Variants in ARHGAP24 observed in about 807,000 individuals in gnomAD.
ARHGAP24 encodes Rho GTPase activating protein 24.
ARHGAP24 carries 50 observed loss-of-function variants against 76.4 expected under a neutral mutation model. The observed-to-expected ratio is 0.65, with a 90% CI of 0.52 to 0.83. ARHGAP24 has a LOEUF of 0.83. ARHGAP24 is among the 40% of genes least tolerant of loss of function. ARHGAP24 has a pLI of 0.00. For synonymous variants in ARHGAP24, 345 were observed against 323.3 expected, an observed-to-expected ratio of 1.07 and a Z score of -0.72; for missense variants, 930 against 914.2, an observed-to-expected ratio of 1.02 and a Z score of -0.22.
intron 2 of ARHGAP24, among the ~76,000 whole-genome samples, chr4:85,610,267 C>G (rs748816806): frequency 1.7e-4 from 26 of 151,614 alleles, no homozygotes; most frequent in Non-Finnish European, 2.8e-4. Flanking sequence ...CACGGTGAAA[C>G]CTTGTCTCTA....
intron 5 of ARHGAP24, among the ~76,000 whole-genome samples, chr4:85,970,344 G>A (rs1251334603): frequency 6.6e-6 from 1 of 152,124 alleles, no homozygotes; most frequent in Non-Finnish European, 1.5e-5. Flanking sequence ...ACCCTGTCTT[G>A]TTATTAGATA....
chr4:85,994,654 G>T lies in ARHGAP24; in HGVS notation c.1000G>T (p.Glu334Ter). ...KHDCLFPKDAELQSKPQDGVS... is the reference protein window; with the variant it reads ...KHDCLFPKDA The stretch of plus-strand genomic sequence containing the variant: ...TGATTGCCTCTTTCCCAAAGATGCA[G>T]AACTACAAAGCAAGCCCCAAGATGG... The change falls in exon 9 of 10, where the codon GAA becomes TAA. Residue 334 changes from glutamate (E) to a stop codon, truncating the protein, a stop_gained. Coordinates refer to ENST00000395184, the MANE Select transcript of ARHGAP24 (RefSeq NM_001025616.3). LOFTEE classifies it high-confidence loss of function. The T allele has an allele frequency of 1.2e-6, 2 of 1,614,158 alleles. No homozygotes were observed. The highest frequency in any genetic ancestry group is 1.7e-6 in the Non-Finnish European group (2 of 1,180,032).
intron 8 of ARHGAP24, among the ~76,000 whole-genome samples, chr4:85,982,862 C>T (rs947784456): frequency 6.6e-5 from 10 of 152,046 alleles, no homozygotes; most frequent in Non-Finnish European, 1.5e-4. Context: ...TGCCTGTCAA[C>T]CCATCACCTA....
rs1289942010 is a variant in ARHGAP24, at chr4:85,570,687, A to G, written c.146A>G (p.Tyr49Cys). 2 of 1,614,086 alleles carry G rather than the reference A, an allele frequency of 1.2e-6. No homozygotes were observed. Among genetic ancestry groups the G allele is most frequent in the Non-Finnish European group, 1.7e-6 (2 of 1,179,988 alleles). ...RWFVLKGDQL[Y>C]YFKDEDETKP... ...TTTGTGCTCAAGGGGGATCAGCTCT[A>G]TTATTTCAAAGATGAAGATGAAACC... The change falls in exon 2 of 10, where the codon TAT becomes TGT. Residue 49 changes from tyrosine to cysteine, a missense_variant. Transcript: ENST00000395184.
intron 4 of ARHGAP24, among the ~76,000 whole-genome samples, chr4:85,934,784 G>A (rs1450056039): frequency 6.6e-6 from 1 of 152,140 alleles, no homozygotes; most frequent in African/African-American, 2.4e-5. Flanking sequence ...CAAAGTGCTG[G>A]GATTATAGGC....
intron 1 of ARHGAP24, among the ~76,000 whole-genome samples, chr4:85,544,822 C>A (rs1725850650): frequency 6.6e-6 from 1 of 152,134 alleles, no homozygotes; most frequent in African/African-American, 2.4e-5. Context: ...TCATCTTTCT[C>A]AGATAATTCC....
intron 3 of ARHGAP24, among the ~76,000 whole-genome samples, chr4:85,784,592 A>T (rs1462558882): frequency 2.6e-5 from 4 of 151,948 alleles, no homozygotes; most frequent in Non-Finnish European, 5.9e-5. Flanking sequence ...CAGCCTGCAC[A>T]ACCTCAGACA....
intron 3 of ARHGAP24, among the ~76,000 whole-genome samples, chr4:85,746,330 G>C (rs1211734261): frequency 1.3e-5 from 2 of 152,180 alleles, no homozygotes; most frequent in Non-Finnish European, 2.9e-5. Context: ...TTGAGTATCT[G>C]ACTGATTCTT....
chr4:85,997,381 TA>T (rs879406861), intron 9 of ARHGAP24, among the ~76,000 whole-genome samples: 7,040 of 29,688 alleles, frequency 0.24, 571 homozygotes, highest in African/African-American at 0.39. Context: ...TATAGATAGA[TA>T]GATAGATAGA....
intron 2 of ARHGAP24, among the ~76,000 whole-genome samples, chr4:85,592,681 C>T (rs992234456): frequency 1.3e-5 from 2 of 152,120 alleles, no homozygotes; most frequent in Admixed American, 6.6e-5. Flanking sequence ...TGTCTTATCT[C>T]CATGAGTTCA....
chr4:85,493,551 C>A (rs1263596005), intron 1 of ARHGAP24, among the ~76,000 whole-genome samples: 1 of 152,114 alleles, frequency 6.6e-6, no homozygotes, highest in Non-Finnish European at 1.5e-5. Flanking sequence ...CTCAAATTGT[C>A]CACATTTGAC....
At chr4:85,653,043 T>C (rs2109983022) in intron 2 of ARHGAP24, among the ~76,000 whole-genome samples, 1 of 152,314 alleles carries the variant, frequency 6.6e-6, no homozygotes, top group East Asian at 1.9e-4. Flanking sequence ...TGTATGTTAA[T>C]AAAATGCTTT....
intron 2 of ARHGAP24, among the ~76,000 whole-genome samples, chr4:85,624,620 T>C (rs1265235663): frequency 1.3e-5 from 2 of 152,226 alleles, no homozygotes; most frequent in Non-Finnish European, 2.9e-5. Flanking sequence ...TATGGAGGAT[T>C]CCCTCTTTTT....
At chr4:85,683,109 T>TGGGGG (rs1205882687) in intron 2 of ARHGAP24, among the ~76,000 whole-genome samples, 7 of 17,468 alleles carry the variant, frequency 4.0e-4, no homozygotes, top group African/African-American at 1.0e-3. Flanking sequence ...TCTCAGTGTG[T>TGGGGG]GGGGGGGTGG....
chr4:85,496,762 C>T (rs1362686505), intron 1 of ARHGAP24, among the ~76,000 whole-genome samples: 8 of 152,214 alleles, frequency 5.3e-5, no homozygotes, highest in Admixed American at 1.3e-4. Flanking sequence ...TTGTAGATGT[C>T]TAACTACGGA....
intron 3 of ARHGAP24, among the ~76,000 whole-genome samples, chr4:85,890,124 G>C (rs1578350305): frequency 6.6e-6 from 1 of 152,268 alleles, no homozygotes; most frequent in Admixed American, 6.5e-5. Context: ...CCGATGAAAG[G>C]TCTGTTGAGG....
chr4:85,980,775 C>T (rs1206441973), intron 8 of ARHGAP24, among the ~76,000 whole-genome samples: 1 of 152,088 alleles, frequency 6.6e-6, no homozygotes, highest in Non-Finnish European at 1.5e-5. Flanking sequence ...TCAGGAGGTC[C>T]ATGGCCTCAA....
rs111474869 is a variant in ARHGAP24, at chr4:85,942,051, T to C, written c.392-15T>C. 6.3e-7 allele frequency: 1 copy of C among 1,589,520 alleles called. No homozygotes were observed. The highest frequency in any genetic ancestry group is 8.5e-7 in the Non-Finnish European group (1 of 1,170,264). On this transcript the variant is annotated splice_polypyrimidine_tract_variant and intron_variant, in intron 4 of 9. Transcript: ENST00000395184. ...GATAAATTTCCCAAGTTTACTGTGA[T>C]CCTTTTTTTTTAAGGCATTTTTGGA...
At chr4:85,781,979 G>A (rs1178369328) in intron 3 of ARHGAP24, among the ~76,000 whole-genome samples, 1 of 145,108 alleles carries the variant, frequency 6.9e-6, no homozygotes, top group African/African-American at 2.6e-5. Flanking sequence ...GGAGGTTTCA[G>A]TGAGCCGAGA....
Sources: allele counts gnomAD v4.1 joint callset (sites outside exome capture counted in the v4.1 genomes callset), GRCh38; gene constraint gnomAD v4.1.1; transcripts MANE v1.5; gene names NCBI Gene and HGNC (gene_info 2026-07-23, HGNC 2026-07-21).